The following ADAP1 variants were observed in gnomAD, a reference collection of about 807,000 sequenced individuals.
ADAP1 encodes ArfGAP with dual PH domains 1.
In ADAP1, 31 loss-of-function variants were observed where a neutral mutation model predicts 54.9. The observed-to-expected ratio is 0.56, with a 90% CI of 0.42 to 0.76. ADAP1 has a LOEUF of 0.76. Among genes scored for constraint, ADAP1 ranks in the 30% least tolerant of loss-of-function variants. The probability of loss-of-function intolerance (pLI) is 0.00; values close to 1 mark genes in which losing one functional copy is unlikely to be tolerated. For synonymous variants in ADAP1, 313 were observed against 202.6 expected (o/e 1.55, Z -4.63); for missense variants, 535 against 512.4 (o/e 1.04, Z -0.42).
Position 938,352 on chromosome 7 carries a change from TA to T in ADAP1, c.83-2848del, listed in dbSNP as rs1846842746. ...TGCACCAGCATACCCAGCTAATTTT[TA>T]AAATTTTTGGTAGAGATGAAGTCTC... On this transcript the variant is annotated intron_variant, in intron 1 of 10. Coordinates refer to ENST00000265846, the MANE Select transcript of ADAP1 (RefSeq NM_006869.4). The surrounding 1 kb of genome is among the most constrained non-coding windows in gnomAD (Gnocchi z 4.4). Among the ~76,000 whole-genome samples the T allele has an allele frequency of 6.6e-6, 1 of 151,992 alleles. No individual in the cohort carries two copies. Among genetic ancestry groups the T allele is most frequent in the Admixed American group, 6.6e-5 (1 of 15,236 alleles).
chr7:955,368 G>T (rs147829246), upstream of ADAP1: 1,670 of 1,550,264 alleles, frequency 1.1e-3, 2 homozygotes, highest in Non-Finnish European at 1.3e-3. Context: ...CTTCTTGCAG[G>T]GTTAATGCAG....
chr7:920,680 C>T lies in ADAP1; in HGVS notation c.306-630G>A. On this transcript the variant is annotated intron_variant, in intron 3 of 10. Transcript: ENST00000265846. The surrounding 1 kb of genome is among the most constrained non-coding windows in gnomAD (Gnocchi z 4.5). ...GGAAGACCCGGGATGAGGAGAAGCC[C>T]CCGAGAGTAAAGCCCGGGACGAGGG... 1.0e-6 allele frequency: 1 copy of T among 953,536 alleles called. No homozygotes were observed. The highest frequency in any genetic ancestry group is 1.5e-6 in the Non-Finnish European group (1 of 651,660). The allele number at this position is 953,536 out of a possible 1,614,324, so 59.1% of individuals were successfully genotyped here. A position where few individuals can be genotyped will look rare whatever the true frequency, so the allele number is the denominator to read the frequency against.
In ADAP1 at chr7:954,396, C is replaced by T; in HGVS notation, c.82G>A (p.Asp28Asn). 4 of 1,124,714 alleles carry T rather than the reference C, an allele frequency of 3.6e-6. No individual in the cohort carries two copies. The South Asian group carries it at 8.3e-5, about 23-fold the overall frequency. 69.7% of individuals were successfully genotyped at this position (1,124,714 alleles called of 1,614,324 possible). Residue 28 changes from aspartate (D) to asparagine (N), a missense_variant and splice_region_variant, in exon 1 of 11, where the codon GAT becomes AAT. Asp to Asn is a conservative substitution (Grantham distance 23). Coordinates refer to ENST00000265846, the MANE Select transcript of ADAP1 (RefSeq NM_006869.4). ...CCGCGCCCACCCGGCCCACACCTAC[C>T]CGGGGCGCCGCAGTCCGCGCAGCGC... ...NARCADCGAP[D>N]PDWASYTLGV...
intron 2 of ADAP1, among the ~76,000 whole-genome samples, chr7:928,443 T>C (rs978306424): frequency 2.0e-5 from 3 of 152,322 alleles, no homozygotes. Context: ...TGCATATGTA[T>C]ACTTTTAATT....
intron 6 of ADAP1, chr7:903,885 G>T: frequency 2.1e-6 from 1 of 477,332 alleles, no homozygotes. Flanking sequence ...TGGGCAGCCC[G>T]GCCCTGGGAA....
Position 926,449 on chromosome 7 carries a change from C to A in ADAP1, c.305+104G>T. ...CAGCTGCGGCTGGCTTCTCCCCGAC[C>A]CTGTGGGCGGCACCCAACTCCCCAC... On this transcript the variant is annotated intron_variant, in intron 3 of 10. Transcript: ENST00000265846. The surrounding 1 kb of genome is among the most constrained non-coding windows in gnomAD (Gnocchi z 4.6). The A allele has an allele frequency of 1.0e-6, 1 of 1,002,324 alleles. No homozygotes were observed. Among genetic ancestry groups the A allele is most frequent in the African/African-American group, 1.8e-5 (1 of 57,112 alleles). The allele number at this position is 1,002,324 out of a possible 1,614,324, so 62.1% of individuals were successfully genotyped here.
rs955133433 is a variant in ADAP1 at position 898,879 on chromosome 7, G to A, written c.*42C>T. 6.4e-7 allele frequency: 1 copy of A among 1,574,094 alleles called. No individual in the cohort carries two copies. Among genetic ancestry groups the A allele is most frequent in the Admixed American group, 1.8e-5 (1 of 54,352 alleles). On this transcript the variant is annotated 3_prime_UTR_variant, in exon 11 of 11. Coordinates refer to ENST00000265846, the MANE Select transcript of ADAP1 (RefSeq NM_006869.4). ...CCCATCCACGGGTCCCCTCCGTCCA[G>A]CCACAGTGAGTCCAATGTCCGTGGT...
At position 926,621 on chromosome 7, in the gene ADAP1, G is replaced by A. The variant is rs746196305; in HGVS notation, c.237C>T (p.Asp79=). Residue 79 remains aspartate (D), a synonymous_variant, in exon 3 of 11, where the codon GAC becomes GAT. Coordinates refer to ENST00000265846, the MANE Select transcript of ADAP1 (RefSeq NM_006869.4). The surrounding 1 kb of genome is among the most constrained non-coding windows in gnomAD (Gnocchi z 4.6). ...TGGACTCAAACCTGGCTCTCGCGGC[G>A]TCGTTCCCGTGGGAGGCCATGAACT... is the stretch of plus-strand genomic sequence containing the variant. ...QVEFMASHGN[D]AARARFESKV... is the part of the protein sequence containing the mutation. The A allele has an allele frequency of 2.6e-5, 40 of 1,544,106 alleles. No individual in the cohort carries two copies. In the South Asian group the frequency reaches 3.0e-4, roughly 12 times the overall value.
rs1183095087 is a variant in ADAP1 at position 899,402 on chromosome 7, C to G, written c.867+17G>C. On this transcript the variant is annotated intron_variant, in intron 9 of 10. Transcript: ENST00000265846. The stretch of plus-strand genomic sequence containing the variant: ...AGTGAGCTGCCCTCCCGTGCTGGGG[C>G]CACAGCTCCTCCTTACCAGGGGGTC... The G allele has an allele frequency of 3.1e-6, 5 of 1,612,454 alleles. No individual in the cohort carries two copies. In the East Asian group the frequency reaches 1.1e-4, roughly 36 times the overall value.
rs574330794 is a variant in ADAP1 at position 920,955 on chromosome 7, G to A, written c.306-905C>T. ...GCCCACGTGAACAGCCTTGGAGACT[G>A]GGCGGGAATCCTCGCCCACAGGATC... On this transcript the variant is annotated intron_variant, in intron 3 of 10. Transcript: ENST00000265846. This position sits in a 1 kb window ranked among gnomAD's most constrained non-coding sequence, Gnocchi z 4.5. The A allele has an allele frequency of 2.1e-3, 2,782 of 1,298,034 alleles. 8 individuals are homozygous for A. Among genetic ancestry groups the A allele is most frequent in the Non-Finnish European group, 2.6e-3 (2,389 of 933,128 alleles). The allele number at this position is 1,298,034 out of a possible 1,614,324, so 80.4% of individuals were successfully genotyped here.
At chr7:935,221 G>A (rs1417343996) in intron 2 of ADAP1, 154 bp downstream of exon 2, 4 of 1,070,900 alleles carry the variant, frequency 3.7e-6, no homozygotes, top group Non-Finnish European at 5.6e-6. Flanking sequence ...CCGCTGGAGA[G>A]GGGGCGGGGT....
intron 6 of ADAP1, chr7:901,128 G>A: frequency 2.3e-6 from 1 of 437,512 alleles, no homozygotes; most frequent in Non-Finnish European, 4.7e-6. Flanking sequence ...CTGCTCTCCA[G>A]GGAGCCGCCC....
chr7:935,263 A>G, intron 2 of ADAP1, 112 bp downstream of exon 2: 4 of 1,409,852 alleles, frequency 2.8e-6, no homozygotes, highest in Non-Finnish European at 3.9e-6. Context: ...CCCCCAGAGT[A>G]GCCCAAGGCT....
At position 900,661 on chromosome 7, in the gene ADAP1, CGCTGGGGTCCCCACAGAGGG is replaced by C. The variant is rs370725753; in HGVS notation, c.649-65_649-46del. The stretch of plus-strand genomic sequence containing the variant: ...CAGGCTTGGGCTGAGGAGGCTGCAG[CGCTGGGGTCCCCACAGAGGG>C]GCTGGGGTCCCCACAGAGGGGCCGC... On this transcript the variant is annotated intron_variant, in intron 6 of 10. Transcript: ENST00000265846. 2.3e-3 allele frequency: 3,387 copies of C among 1,443,664 alleles called. 21 individuals are homozygous for C. The highest frequency in any genetic ancestry group is 0.017 in the African/African-American group (1,162 of 69,340). The allele number at this position is 1,443,664 out of a possible 1,614,324, so 89.4% of individuals were successfully genotyped here. A position where few individuals can be genotyped will look rare whatever the true frequency, so the allele number is the denominator to read the frequency against.
intron 6 of ADAP1, 54 bp downstream of exon 6, chr7:904,072 C>T: frequency 7.5e-6 from 12 of 1,600,820 alleles, no homozygotes; most frequent in Non-Finnish European, 9.4e-6. Flanking sequence ...GCCACCCGGG[C>T]CTGAGGGCCC....
intron 6 of ADAP1, among the ~76,000 whole-genome samples, chr7:903,089 G>A (rs542292713): frequency 1.5e-4 from 23 of 152,254 alleles, no homozygotes; most frequent in African/African-American, 5.5e-4. Flanking sequence ...CCAGGCCGTG[G>A]GAGTCGCAGG....
intron 2 of ADAP1, among the ~76,000 whole-genome samples, chr7:933,351 C>A (rs1360347081): frequency 6.6e-6 from 1 of 152,184 alleles, no homozygotes; most frequent in Non-Finnish European, 1.5e-5. Flanking sequence ...GCACCACCCC[C>A]ACACCTGGTC....
chr7:937,103 C>CTG (rs530862046), intron 1 of ADAP1, among the ~76,000 whole-genome samples: 1,475 of 78,344 alleles, frequency 0.019, 17 homozygotes, highest in African/African-American at 0.033. Flanking sequence ...CGCCGGGCCT[C>CTG]GGATTTGGGG....
At position 906,806 on chromosome 7, in the gene ADAP1, G is replaced by GGGGGGACATGGGTGACACGGGTGACAT. The variant is rs138744439; in HGVS notation, c.389-1635_389-1634insATGTCACCCGTGTCACCCATGTCCCCC. On this transcript the variant is annotated intron_variant, in intron 4 of 10. Transcript: ENST00000265846. ...ACACGGGGGACGGGACAGGGGACAT[G>GGGGGGACATGGGTGACACGGGTGACAT]GGGGGACATGGGTCAGATGGTGATG... Among the ~76,000 whole-genome samples, 3 of 44,468 alleles carry GGGGGGACATGGGTGACACGGGTGACAT rather than the reference G, an allele frequency of 6.7e-5. 1 individual carries two copies. Among genetic ancestry groups the GGGGGGACATGGGTGACACGGGTGACAT allele is most frequent in the East Asian group, 2.2e-3 (1 of 458 alleles). 29.2% of individuals were successfully genotyped at this position (44,468 alleles called of 152,430 possible).
Sources: allele counts gnomAD v4.1 joint callset (sites outside exome capture counted in the v4.1 genomes callset), GRCh38; gene constraint gnomAD v4.1.1; non-coding constraint Gnocchi (gnomAD v3.1); transcripts MANE v1.5; gene names NCBI Gene and HGNC (gene_info 2026-07-23, HGNC 2026-07-21).